Variants in ELMO1 observed in about 807,000 individuals in gnomAD.
ELMO1 encodes the protein engulfment and cell motility protein 1.
A neutral mutation model predicts 98.9 loss-of-function variants in ELMO1; 26 were observed. The ratio of observed to expected loss-of-function variants is 0.26; its 90% CI spans 0.19 to 0.36. The LOEUF is 0.36. Among genes scored for constraint, ELMO1 ranks in the 10% least tolerant of loss-of-function variants. The probability of loss-of-function intolerance (pLI) is 1.00; values close to 1 mark genes in which losing one functional copy is unlikely to be tolerated. For synonymous variants in ELMO1, 346 were observed against 346.0 expected, an observed-to-expected ratio of 1.00 and a Z score of 0.00; for missense variants, 627 against 935.2, an observed-to-expected ratio of 0.67 and a Z score of 4.30.
intron 16 of ELMO1, among the ~76,000 whole-genome samples, chr7:36,990,182 G>A (rs991787562): frequency 1.3e-5 from 2 of 152,080 alleles, no homozygotes; most frequent in Non-Finnish European, 2.9e-5. Flanking sequence ...CCCAGACTGG[G>A]TGCTCTATTT....
chr7:37,208,049 A>G (rs954530972), intron 13 of ELMO1, among the ~76,000 whole-genome samples: 1 of 152,228 alleles, frequency 6.6e-6, no homozygotes, highest in African/African-American at 2.4e-5. Context: ...TTACCTTTTA[A>G]TAAACTGTTC....
In ELMO1 at chr7:37,271,840, T is replaced by C. The variant is rs775198519; in HGVS notation, c.235A>G (p.Thr79Ala). 2.5e-6 allele frequency: 4 copies of C among 1,614,046 alleles called. No homozygotes were observed. Among genetic ancestry groups the C allele is most frequent in the African/African-American group, 1.3e-5 (1 of 75,046 alleles). Residue 79 changes from threonine to alanine, a missense_variant, in exon 5 of 22, where the codon ACA becomes GCA. Physicochemically the swap from Thr to Ala is moderately conservative, Grantham distance 58. Transcript: ENST00000310758. ...AGCTAAGATCAACTTACTGGAGATG[T>C]GGTTAATCGAAGGATAGTGCCATTT... is the stretch of plus-strand genomic sequence containing the variant. Reference protein sequence around the residue: ...IKNGTILRLTTSPAQNAQQLH... With the variant: ...IKNGTILRLTASPAQNAQQLH...
chr7:36,982,026 G>A (rs753749208), intron 16 of ELMO1, among the ~76,000 whole-genome samples: 37 of 152,168 alleles, frequency 2.4e-4, no homozygotes, highest in Non-Finnish European at 4.4e-5. Context: ...CACTAAACAC[G>A]GTGGCTAGGG....
intron 14 of ELMO1, among the ~76,000 whole-genome samples, chr7:37,119,445 C>T (rs1026211412): frequency 6.6e-6 from 1 of 152,186 alleles, no homozygotes; most frequent in Non-Finnish European, 1.5e-5. Context: ...TCAAAAAATC[C>T]AGGCCTCCCT....
At chr7:36,868,732 T>C (rs1437064739) in intron 20 of ELMO1, among the ~76,000 whole-genome samples, 1 of 152,182 alleles carries the variant, frequency 6.6e-6, no homozygotes, top group African/African-American at 2.4e-5. Context: ...TCCACACCTA[T>C]TTTACATAAT....
intron 16 of ELMO1, among the ~76,000 whole-genome samples, chr7:36,935,724 T>C (rs1264133046): frequency 2.0e-5 from 3 of 152,148 alleles, no homozygotes; most frequent in Non-Finnish European, 4.4e-5. Flanking sequence ...GCTGAGGGTT[T>C]TGAAGGCCAT....
At chr7:36,972,064 G>A (rs1187256236) in intron 16 of ELMO1, among the ~76,000 whole-genome samples, 2 of 152,112 alleles carry the variant, frequency 1.3e-5, no homozygotes, top group South Asian at 2.1e-4. Context: ...GGCAATGAAC[G>A]TTTCATTGTC....
At chr7:37,157,160 G>A (rs967159470) in intron 13 of ELMO1, among the ~76,000 whole-genome samples, 10 of 152,136 alleles carry the variant, frequency 6.6e-5, no homozygotes, top group African/African-American at 2.4e-4. Flanking sequence ...TTGATGGAAT[G>A]TATCTCAAAA....
chr7:37,083,966 G>A (rs555756649), intron 15 of ELMO1, among the ~76,000 whole-genome samples: 2 of 152,336 alleles, frequency 1.3e-5, no homozygotes, highest in Admixed American at 6.5e-5. Flanking sequence ...CCCATAGAGC[G>A]GGAGTGGGTA....
chr7:37,279,361 C>T (rs547287822), intron 4 of ELMO1, among the ~76,000 whole-genome samples: 10 of 152,262 alleles, frequency 6.6e-5, no homozygotes, highest in Non-Finnish European at 8.8e-5. Context: ...ATTGCAGCTC[C>T]GGACAGAGTA....
chr7:37,310,562 C>G (rs917858025), intron 4 of ELMO1, among the ~76,000 whole-genome samples: 1 of 152,186 alleles, frequency 6.6e-6, no homozygotes, highest in African/African-American at 2.4e-5. Flanking sequence ...AAGTTACCCT[C>G]AGAAGGAATA....
chr7:37,005,692 C>CA (rs71553094), intron 16 of ELMO1, among the ~76,000 whole-genome samples: 2,170 of 37,402 alleles, frequency 0.058, 336 homozygotes, highest in Non-Finnish European at 0.079. Context: ...GACTCTGTCT[C>CA]AAAAAAAAAA....
At chr7:37,001,766 CCT>C (rs1349133990) in intron 16 of ELMO1, among the ~76,000 whole-genome samples, 4 of 152,142 alleles carry the variant, frequency 2.6e-5, no homozygotes, top group African/African-American at 9.6e-5. Flanking sequence ...TCAGGTAGAG[CCT>C]AGGGTAGGTG....
At chr7:36,959,176 G>C (rs1788724574) in intron 16 of ELMO1, among the ~76,000 whole-genome samples, 1 of 151,978 alleles carries the variant, frequency 6.6e-6, no homozygotes, top group Admixed American at 6.6e-5. Flanking sequence ...TTCAGAGCAT[G>C]CCCACTCCTT....
intron 16 of ELMO1, among the ~76,000 whole-genome samples, chr7:36,930,730 C>G (rs1424956082): frequency 6.6e-6 from 1 of 152,182 alleles, no homozygotes; most frequent in Non-Finnish European, 1.5e-5. Flanking sequence ...GCTTTCCTCC[C>G]TTAGTGAGAA....
chr7:37,103,711 A>G (rs1784773167), intron 14 of ELMO1, among the ~76,000 whole-genome samples: 1 of 152,214 alleles, frequency 6.6e-6, no homozygotes, highest in Admixed American at 6.5e-5. Flanking sequence ...AAAAGAGCAG[A>G]GAAGGCTGGG....
intron 13 of ELMO1, among the ~76,000 whole-genome samples, chr7:37,153,771 A>T (rs548820338): frequency 3.7e-4 from 56 of 152,252 alleles, no homozygotes; most frequent in African/African-American, 1.3e-3. Context: ...AGACTTAAAC[A>T]TCTCTACCAG....
chr7:37,432,623 A>G (rs142439023), intron 1 of ELMO1, among the ~76,000 whole-genome samples: 3 of 152,380 alleles, frequency 2.0e-5, no homozygotes, highest in Admixed American at 6.5e-5. Flanking sequence ...CTAGAAACGT[A>G]TATTATCAAG....
chr7:37,284,178 C>G, intron 4 of ELMO1, among the ~76,000 whole-genome samples: 1 of 152,158 alleles, frequency 6.6e-6, no homozygotes, highest in East Asian at 1.9e-4. Context: ...GACCAACTTA[C>G]TTCCCACGTG....
Sources: allele counts gnomAD v4.1 joint callset (sites outside exome capture counted in the v4.1 genomes callset), GRCh38; gene constraint gnomAD v4.1.1; transcripts MANE v1.5; gene names NCBI Gene and HGNC (gene_info 2026-07-23, HGNC 2026-07-21).